ZNF362: variants seen among roughly 807,000 people sequenced by gnomAD.
The protein encoded by ZNF362 is rotund homolog.
Under a neutral mutation model 42.9 loss-of-function variants are expected in ZNF362, and 11 were observed. The observed-to-expected ratio is 0.26, with a 90% CI of 0.16 to 0.42. The LOEUF is 0.42. Ranked by LOEUF, ZNF362 falls within the 20% of genes least tolerant of loss-of-function variation. ZNF362 has a pLI of 1.00. For missense variants in ZNF362, 362 were observed against 576.2 expected, an observed-to-expected ratio of 0.63 and a Z score of 3.81; for synonymous variants, 255 against 257.3, an observed-to-expected ratio of 0.99 and a Z score of 0.09.
chr1:33,144,262 C>T, the ZNF362 span, among the ~76,000 whole-genome samples: 10 of 152,132 alleles, frequency 6.6e-5, no homozygotes, highest in Admixed American at 3.9e-4. Flanking sequence ...CTCAGCCTCC[C>T]GAGCAGCTGG....
intron 8 of ZNF362, among the ~76,000 whole-genome samples, chr1:33,297,702 C>T (rs1557801885): frequency 6.6e-6 from 1 of 152,018 alleles, no homozygotes. Flanking sequence ...TTAGTAGAGA[C>T]GGGGTTTCAC....
the ZNF362 span, among the ~76,000 whole-genome samples, chr1:33,172,871 C>T: frequency 2.0e-5 from 3 of 152,214 alleles, no homozygotes; most frequent in African/African-American, 7.2e-5. Flanking sequence ...GTGTTCAAAT[C>T]CTGACAGCAT....
chr1:33,137,460 G>A, the ZNF362 span, among the ~76,000 whole-genome samples: 47 of 152,280 alleles, frequency 3.1e-4, no homozygotes, highest in African/African-American at 6.7e-4. Flanking sequence ...ATCATGAGGC[G>A]TACAGGGACT....
rs778297439 is a variant in ZNF362, at chr1:33,299,030, G to A, written c.1247G>A (p.Arg416Gln). The A allele has an allele frequency of 1.4e-5, 23 of 1,609,974 alleles. No individual in the cohort carries two copies. Among genetic ancestry groups the A allele is most frequent in the Non-Finnish European group, 1.3e-5 (15 of 1,179,918 alleles). The part of the protein sequence containing the change: ...QRTESPGIPV[R>Q]ISLI ...ACGGAGTCCCCCGGCATCCCGGTGC[G>A]AATCTCTCTCATCTGAGCCCACTGG... Residue 416 changes from arginine to glutamine, a missense_variant, in exon 9 of 9, where the codon CGA (arginine) becomes CAA (glutamine). Coordinates refer to ENST00000539719, the MANE Select transcript of ZNF362 (RefSeq NM_152493.3).
chr1:33,229,153 G>A, the ZNF362 span, among the ~76,000 whole-genome samples: 1,040 of 152,142 alleles, frequency 6.8e-3, 10 homozygotes, highest in Non-Finnish European at 8.3e-3. Context: ...CCCCACCCAG[G>A]ACTCTCTAGC....
the ZNF362 span, among the ~76,000 whole-genome samples, chr1:33,224,887 G>C: frequency 2.0e-5 from 3 of 152,022 alleles, no homozygotes; most frequent in Non-Finnish European, 4.4e-5. Context: ...AAGACAAAGA[G>C]AAAAATCTTA....
At chr1:33,193,130 T>C in the ZNF362 span, among the ~76,000 whole-genome samples, 2 of 151,838 alleles carry the variant, frequency 1.3e-5, no homozygotes, top group Non-Finnish European at 2.9e-5. Flanking sequence ...AAATGCTAGG[T>C]AAAATATAAA....
the ZNF362 span, among the ~76,000 whole-genome samples, chr1:33,238,243 TG>T: frequency 1.3e-5 from 2 of 151,324 alleles, no homozygotes; most frequent in East Asian, 3.9e-4. Context: ...CACTTGAACC[TG>T]GGAGGCAGAG....
At chr1:33,239,472 GA>G in the ZNF362 span, among the ~76,000 whole-genome samples, 1 of 152,326 alleles carries the variant, frequency 6.6e-6, no homozygotes, top group South Asian at 2.1e-4. Flanking sequence ...CTGCTATGAA[GA>G]AATACCCGAG....
the ZNF362 span, among the ~76,000 whole-genome samples, chr1:33,189,002 A>G: frequency 1.3e-5 from 2 of 152,198 alleles, no homozygotes; most frequent in African/African-American, 2.4e-5. Flanking sequence ...CTGAGCAATC[A>G]GCTGAACTGT....
chr1:33,187,017 G>C, the ZNF362 span, among the ~76,000 whole-genome samples: 13 of 151,850 alleles, frequency 8.6e-5, no homozygotes, highest in African/African-American at 3.1e-4. Context: ...GCCCCATAAG[G>C]GTGCACTATT....
the ZNF362 span, among the ~76,000 whole-genome samples, chr1:33,178,174 C>A: frequency 5.3e-5 from 8 of 152,198 alleles, no homozygotes; most frequent in Non-Finnish European, 8.8e-5. Context: ...TCCTGTTTCC[C>A]CATCTGTCAA....
the ZNF362 span, among the ~76,000 whole-genome samples, chr1:33,217,566 C>T: frequency 5.1e-3 from 781 of 152,312 alleles, 13 homozygotes; most frequent in African/African-American, 0.018. Flanking sequence ...TGGGCTCCCC[C>T]ACCTGGGGAA....
At chr1:33,274,847 C>G in intron 2 of ZNF362, 1 of 732,950 alleles carries the variant, frequency 1.4e-6, no homozygotes, top group Non-Finnish European at 1.7e-6. Context: ...AGTTTCTTCA[C>G]TGATAAAATG....
intron 2 of ZNF362, among the ~76,000 whole-genome samples, chr1:33,273,015 G>T (rs185361443): frequency 2.3e-4 from 35 of 152,356 alleles, no homozygotes; most frequent in Admixed American, 9.1e-4. Context: ...GGTCTGAGTG[G>T]CTTGGCCTGG....
At chr1:33,298,121 G>C (rs1250666358) in intron 8 of ZNF362, among the ~76,000 whole-genome samples, 1 of 152,142 alleles carries the variant, frequency 6.6e-6, no homozygotes, top group African/African-American at 2.4e-5. Context: ...TTAGTGTGAG[G>C]GCTTCTGGGC....
At chr1:33,252,300 C>A (rs780929390), upstream of ZNF362, among the ~76,000 whole-genome samples, 1 of 152,078 alleles carries the variant, frequency 6.6e-6, no homozygotes, top group African/African-American at 2.4e-5. Context: ...TGCGGTGAGC[C>A]GAGATTGCAT....
intron 6 of ZNF362, among the ~76,000 whole-genome samples, chr1:33,289,271 G>A (rs1053977134): frequency 2.0e-5 from 3 of 152,170 alleles, no homozygotes; most frequent in East Asian, 1.9e-4. Flanking sequence ...TCTCAGGAGC[G>A]CAGTGGCAGA....
At chr1:33,203,315 A>T in the ZNF362 span, among the ~76,000 whole-genome samples, 1 of 152,094 alleles carries the variant, frequency 6.6e-6, no homozygotes, top group Admixed American at 6.6e-5. Flanking sequence ...TCCTTTTTTA[A>T]GGCTGAATGA....
Sources: allele counts gnomAD v4.1 joint callset (sites outside exome capture counted in the v4.1 genomes callset), GRCh38; gene constraint gnomAD v4.1.1; transcripts MANE v1.5; gene names NCBI Gene and HGNC (gene_info 2026-07-23, HGNC 2026-07-21).